The following GABRG3 variants were observed in gnomAD, a reference collection of about 807,000 sequenced individuals.
GABRG3 encodes the protein gamma-aminobutyric acid receptor subunit gamma-3.
A neutral mutation model predicts 48.8 loss-of-function variants in GABRG3; 25 were observed. The observed-to-expected ratio is 0.51, with a 90% CI of 0.37 to 0.72. The LOEUF (loss-of-function observed/expected upper bound fraction) is 0.72. Among genes scored for constraint, GABRG3 ranks in the 30% least tolerant of loss-of-function variants. GABRG3 has a pLI of 0.00. For synonymous variants in GABRG3, 227 were observed against 217.6 expected, an observed-to-expected ratio of 1.04 and a Z score of -0.38; for missense variants, 394 against 577.9, an observed-to-expected ratio of 0.68 and a Z score of 3.26.
intron 3 of GABRG3, among the ~76,000 whole-genome samples, chr15:27,094,403 T>C (rs1278173735): frequency 6.6e-6 from 1 of 152,206 alleles, no homozygotes; most frequent in Non-Finnish European, 1.5e-5. Flanking sequence ...TCTGCCTCCA[T>C]ATTTGCAGTG....
intron 5 of GABRG3, among the ~76,000 whole-genome samples, chr15:27,335,382 C>T (rs554710242): frequency 1.3e-5 from 2 of 152,332 alleles, no homozygotes; most frequent in South Asian, 4.1e-4. Flanking sequence ...TTAGTCTCTT[C>T]ACATCCTCAC....
chr15:26,994,309 G>T (rs1895300913), intron 2 of GABRG3, among the ~76,000 whole-genome samples: 1 of 151,560 alleles, frequency 6.6e-6, no homozygotes, highest in African/African-American at 2.4e-5. Context: ...AGTGAGTGTG[G>T]TTTTCTCTGG....
chr15:27,405,150 C>G (rs1327478128), intron 5 of GABRG3, among the ~76,000 whole-genome samples: 2 of 152,170 alleles, frequency 1.3e-5, no homozygotes, highest in Admixed American at 6.5e-5. Context: ...AATTGTAGGA[C>G]ATTACTTTTT....
intron 3 of GABRG3, among the ~76,000 whole-genome samples, chr15:27,197,995 T>C (rs937141533): frequency 6.6e-6 from 1 of 152,204 alleles, no homozygotes; most frequent in South Asian, 2.1e-4. Context: ...CTTCTCTCTT[T>C]TCATCTTTAT....
rs188260082 is a variant in GABRG3 at position 27,528,463 on chromosome 15, A to T, written c.1122+471A>T. Among the ~76,000 whole-genome samples, 13 of 152,298 alleles carry T rather than the reference A, an allele frequency of 8.5e-5. No individual in the cohort carries two copies. The East Asian group carries it at 2.5e-3, about 29-fold the overall frequency. On this transcript the variant is annotated intron_variant, in intron 9 of 9. Transcript: ENST00000615808. ...GACACTGGGCTTATCCACATTTTTCACTTGCATTTACATTCTTTTCACTAC... is the reference window on the plus strand; with the variant it reads ...GACACTGGGCTTATCCACATTTTTCTCTTGCATTTACATTCTTTTCACTAC...
Position 27,532,879 on chromosome 15 carries a change from T to A in GABRG3, c.1402T>A (p.Ter468LysextTer15). ...LVYWVGYLYL[*>K] is the part of the protein sequence containing the mutation. ...CTACTGGGTTGGATACCTGTATCTC[T>A]AAGTGTTGCTCAGAGTGAAGAGTGA... Residue 468 changes from the stop codon to lysine (K), a stop_lost, in exon 10 of 10, where the codon TAA (stop) becomes AAA (lysine). Coordinates refer to ENST00000615808, the MANE Select transcript of GABRG3 (RefSeq NM_033223.5). 2 of 1,613,472 alleles carry A rather than the reference T, an allele frequency of 1.2e-6. No individual in the cohort carries two copies. Among genetic ancestry groups the A allele is most frequent in the Non-Finnish European group, 1.7e-6 (2 of 1,179,674 alleles).
chr15:27,000,326 T>C (rs185785163), intron 2 of GABRG3, among the ~76,000 whole-genome samples: 1 of 152,334 alleles, frequency 6.6e-6, no homozygotes, highest in African/African-American at 2.4e-5. Flanking sequence ...TCTTTGAATC[T>C]TGTGGTTTAG....
At chr15:27,246,089 G>T (rs1566978383) in intron 3 of GABRG3, among the ~76,000 whole-genome samples, 1 of 151,968 alleles carries the variant, frequency 6.6e-6, no homozygotes, top group Non-Finnish European at 1.5e-5. Context: ...CACTCATGAG[G>T]GATCTGCCCC....
chr15:27,124,489 T>C (rs968455079), intron 3 of GABRG3, among the ~76,000 whole-genome samples: 1 of 152,196 alleles, frequency 6.6e-6, no homozygotes, highest in Non-Finnish European at 1.5e-5. Flanking sequence ...CAGATGTCCT[T>C]GCCCTAATTT....
chr15:27,486,849 T>G (rs2150847449), intron 6 of GABRG3, among the ~76,000 whole-genome samples: 1 of 152,348 alleles, frequency 6.6e-6, no homozygotes, highest in South Asian at 2.1e-4. Context: ...ACGCATTGTC[T>G]TTCTTTAGTA....
intron 3 of GABRG3, among the ~76,000 whole-genome samples, chr15:27,038,639 T>A (rs1896220672): frequency 6.6e-6 from 1 of 152,160 alleles, no homozygotes; most frequent in Non-Finnish European, 1.5e-5. Context: ...TTTCCCACTT[T>A]GTGAATGACC....
intron 6 of GABRG3, among the ~76,000 whole-genome samples, chr15:27,502,628 A>AC (rs1351437784): frequency 6.6e-6 from 1 of 152,218 alleles, no homozygotes; most frequent in African/African-American, 2.4e-5. Flanking sequence ...CACTTAAGAC[A>AC]CCAGTCCCAA....
At chr15:27,136,596 C>T (rs1302203650) in intron 3 of GABRG3, among the ~76,000 whole-genome samples, 4 of 151,994 alleles carry the variant, frequency 2.6e-5, no homozygotes, top group Non-Finnish European at 5.9e-5. Flanking sequence ...TGGATGATCT[C>T]CCGTAATGTG....
intron 5 of GABRG3, among the ~76,000 whole-genome samples, chr15:27,369,201 G>A (rs1895313074): frequency 1.3e-5 from 2 of 152,198 alleles, no homozygotes; most frequent in East Asian, 1.9e-4. Context: ...TACCATAGAT[G>A]TTCAGAGTGC....
At chr15:27,370,963 A>G (rs1034957519) in intron 5 of GABRG3, among the ~76,000 whole-genome samples, 3 of 152,174 alleles carry the variant, frequency 2.0e-5, no homozygotes, top group African/African-American at 7.2e-5. Context: ...CTCCTTCTCA[A>G]ACTGAAGGTC....
intron 3 of GABRG3, among the ~76,000 whole-genome samples, chr15:27,165,307 G>A (rs1207287543): frequency 2.0e-5 from 3 of 152,144 alleles, no homozygotes; most frequent in Non-Finnish European, 4.4e-5. Context: ...ACCTAACCCA[G>A]CATTCCACCT....
chr15:27,042,469 C>T (rs8043422), intron 3 of GABRG3, among the ~76,000 whole-genome samples: 97 of 152,338 alleles, frequency 6.4e-4, no homozygotes, highest in African/African-American at 2.1e-3. Context: ...AGGGGCCTGG[C>T]GGCCCTCTGC....
intron 3 of GABRG3, among the ~76,000 whole-genome samples, chr15:27,233,148 C>G (rs2140448720): frequency 6.6e-6 from 1 of 152,252 alleles, no homozygotes; most frequent in Non-Finnish European, 1.5e-5. Flanking sequence ...CCTTGGCTCA[C>G]TGGGGAGAGG....
chr15:27,265,692 T>C (rs992764688), intron 3 of GABRG3, among the ~76,000 whole-genome samples: 1 of 152,182 alleles, frequency 6.6e-6, no homozygotes, highest in African/African-American at 2.4e-5. Flanking sequence ...TTATCAAGTA[T>C]GGACGTTGCA....
Sources: allele counts gnomAD v4.1 joint callset (sites outside exome capture counted in the v4.1 genomes callset), GRCh38; gene constraint gnomAD v4.1.1; transcripts MANE v1.5; gene names NCBI Gene and HGNC (gene_info 2026-07-23, HGNC 2026-07-21).